STAG2: variants seen among roughly 807,000 people sequenced by gnomAD.
STAG2 encodes the protein STAG2 cohesin complex component.
Under a neutral mutation model 108.1 loss-of-function variants are expected in STAG2, and 14 were observed. The ratio of observed to expected loss-of-function variants is 0.13; its 90% CI spans 0.09 to 0.20. The LOEUF is 0.20. STAG2 is among the 10% of genes least tolerant of loss of function. STAG2 has a pLI of 1.00. For synonymous variants in STAG2, 307 were observed against 302.7 expected (o/e 1.01, Z -0.15); for missense variants, 440 against 940.9 (o/e 0.47, Z 6.96).
intron 1 of STAG2, among the ~76,000 whole-genome samples, chrX:124,010,868 G>T: frequency 9.0e-6 from 1 of 111,267 alleles, no homozygotes; most frequent in Non-Finnish European, 1.9e-5. Context: ...AATTGTTTGG[G>T]CTTTTTGGGG....
At chrX:124,099,682 G>C (rs940521582) in intron 34 of STAG2, among the ~76,000 whole-genome samples, 4 of 111,833 alleles carry the variant, frequency 3.6e-5, no homozygotes, top group Admixed American at 9.5e-5. Context: ...GAACTTATAA[G>C]AGATTTAACT....
At chrX:124,051,006 G>A (rs2058021220) in intron 11 of STAG2, 115 bp from the exon 12 acceptor site, 1 of 446,603 alleles carries the variant, frequency 2.2e-6, no homozygotes. Flanking sequence ...GAATGCTATG[G>A]TATGAAACAT....
chrX:124,091,735 A>T (rs1211748721), intron 32 of STAG2, among the ~76,000 whole-genome samples: 1 of 112,616 alleles, frequency 8.9e-6, no homozygotes, highest in Non-Finnish European at 1.9e-5. Context: ...CTAGACTGTG[A>T]GCTCCTCAAG....
chrX:124,031,723 T>TTTA (rs1176612289), intron 5 of STAG2, among the ~76,000 whole-genome samples: 9 of 80,971 alleles, frequency 1.1e-4, no homozygotes, highest in Non-Finnish European at 1.4e-4. Context: ...CAGCCCATTA[T>TTTA]TTATTATTAT....
At chrX:124,087,118 A>G (rs2059126794) in intron 30 of STAG2, among the ~76,000 whole-genome samples, 3 of 112,297 alleles carry the variant, frequency 2.7e-5, no homozygotes, top group South Asian at 7.4e-4. Flanking sequence ...TCAGTATTAT[A>G]GAGCTAGTTA....
chrX:124,012,276 T>C (rs970771094), intron 1 of STAG2, among the ~76,000 whole-genome samples: 1 of 112,278 alleles, frequency 8.9e-6, no homozygotes, highest in Non-Finnish European at 1.9e-5. Flanking sequence ...TGTCTTTTTC[T>C]GGCTTGAATT....
chrX:124,056,755 G>A (rs1326691135), intron 14 of STAG2, among the ~76,000 whole-genome samples: 33 of 69,649 alleles, frequency 4.7e-4, no homozygotes, highest in Non-Finnish European at 7.3e-4. Context: ...AAAAAAAAAA[G>A]GGAAATGTAC....
intron 1 of STAG2, among the ~76,000 whole-genome samples, chrX:124,015,651 G>A (rs771331665): frequency 1.8e-5 from 2 of 111,935 alleles, no homozygotes; most frequent in Non-Finnish European, 3.8e-5. Context: ...GGGATTACAG[G>A]TGGGAGCCAC....
At position 124,001,095 on chromosome X, in the gene STAG2, T is replaced by A. The variant is rs191114119; in HGVS notation, c.-162-20272T>A. 1.9e-3 allele frequency among the ~76,000 whole-genome samples: 204 copies of A among 110,004 alleles called. 3 individuals carry two copies. The East Asian group carries it at 0.025, about 14-fold the overall frequency. On this transcript the variant is annotated intron_variant, in intron 1 of 34. Coordinates refer to ENST00000371145, the MANE Select transcript of STAG2 (RefSeq NM_001042750.2). ...ATTTATTATTGAAGAAGAAAAAAAA[T>A]TTTTTTTTCTTTAGAGACGGAGTCT...
chrX:124,085,773 CAAAAAAAAAAAA>C (rs35882500), intron 29 of STAG2, among the ~76,000 whole-genome samples: 1 of 42,160 alleles, frequency 2.4e-5, no homozygotes, highest in African/African-American at 8.7e-5. Flanking sequence ...GACTGTGTCT[CAAAAAAAAAAAA>C]AAAAAAAAAA....
chrX:124,030,900 G>A, intron 4 of STAG2, 61 bp from the exon 5 acceptor site: 1 of 1,089,421 alleles, frequency 9.2e-7, no homozygotes, highest in African/African-American at 1.9e-5. Context: ...TTCTACTGTA[G>A]CTGTGTTTTG....
At chrX:124,078,676 A>G (rs1376664158) in intron 27 of STAG2, among the ~76,000 whole-genome samples, 1 of 111,446 alleles carries the variant, frequency 9.0e-6, no homozygotes, top group Non-Finnish European at 1.9e-5. Flanking sequence ...TAACTAAAAC[A>G]CAATAGTTTT....
At chrX:124,084,260 G>A (rs1253049029) in intron 29 of STAG2, among the ~76,000 whole-genome samples, 1 of 111,325 alleles carries the variant, frequency 9.0e-6, no homozygotes, top group Non-Finnish European at 1.9e-5. Context: ...CTAATGTATG[G>A]TGATAAAAAT....
intron 24 of STAG2, among the ~76,000 whole-genome samples, 200 bp from the exon 25 acceptor site, chrX:124,070,949 A>G (rs1161971741): frequency 8.9e-6 from 1 of 111,911 alleles, no homozygotes; most frequent in Non-Finnish European, 1.9e-5. Context: ...GCCTTATACA[A>G]ATATAAGCAT....
rs1225353619 is a variant in STAG2 at position 123,961,749 on chromosome X, G to C, written c.-270G>C. 9.7e-6 allele frequency: 1 copy of C among 103,263 alleles called. No individual in the cohort carries two copies. The highest frequency in any genetic ancestry group is 2.0e-5 in the Non-Finnish European group (1 of 50,443). 8.5% of individuals were successfully genotyped at this position (103,263 alleles called of 1,213,427 possible). On this transcript the variant is annotated 5_prime_UTR_variant, in exon 1 of 35. Coordinates refer to ENST00000371145, the MANE Select transcript of STAG2 (RefSeq NM_001042750.2). ...AGAGAGGGAACAACATTCATGTGACGGGCCCCTCTGCTTCTCCCCCGCCCC... is the reference window on the plus strand; with the variant it reads ...AGAGAGGGAACAACATTCATGTGACCGGCCCCTCTGCTTCTCCCCCGCCCC...
At chrX:124,060,801 G>A (rs1018307659) in intron 15 of STAG2, among the ~76,000 whole-genome samples, 1 of 108,013 alleles carries the variant, frequency 9.3e-6, no homozygotes, top group Non-Finnish European at 1.9e-5. Flanking sequence ...GTGCATGCCT[G>A]TAGTCCTAGC....
rs199424 is a variant in STAG2 at position 123,988,255 on chromosome X, C to A, written c.-163+26399C>A. ...GAATTTTAATAGTCTTGACTACTGGCTTTTAATTTTTTATTAGTAAACTTT... is the reference window on the plus strand; with the variant it reads ...GAATTTTAATAGTCTTGACTACTGGATTTTAATTTTTTATTAGTAAACTTT... On this transcript the variant is annotated intron_variant, in intron 1 of 34. Coordinates refer to ENST00000371145, the MANE Select transcript of STAG2 (RefSeq NM_001042750.2). 1.7e-3 allele frequency among the ~76,000 whole-genome samples: 192 copies of A among 111,595 alleles called. 1 individual carries two copies. Among genetic ancestry groups the A allele is most frequent in the African/African-American group, 6.0e-3 (185 of 30,735 alleles).
At chrX:124,015,009 C>T (rs181639235) in intron 1 of STAG2, among the ~76,000 whole-genome samples, 11,022 of 56,537 alleles carry the variant, frequency 0.19, 933 homozygotes, top group South Asian at 0.45. Context: ...TTTTTTGAGA[C>T]GGAGTCTCAC....
At chrX:123,964,718 G>GT (rs11315284) in intron 1 of STAG2, among the ~76,000 whole-genome samples, 105 of 101,078 alleles carry the variant, frequency 1.0e-3, no homozygotes, top group African/African-American at 1.5e-3. Context: ...GGTGGAGTGG[G>GT]TTTTTTTTTT....
Sources: allele counts gnomAD v4.1 joint callset (sites outside exome capture counted in the v4.1 genomes callset), GRCh38; gene constraint gnomAD v4.1.1; transcripts MANE v1.5; gene names NCBI Gene and HGNC (gene_info 2026-07-23, HGNC 2026-07-21).